The following TBCK variants were observed in gnomAD, a reference collection of about 807,000 sequenced individuals.
The protein encoded by TBCK is TBC domain-containing protein kinase-like protein.
Under a neutral mutation model 113.4 loss-of-function variants are expected in TBCK, and 99 were observed. The observed-to-expected ratio is 0.87, with a 90% CI of 0.74 to 1.03. The LOEUF (loss-of-function observed/expected upper bound fraction) is 1.03. Ranked by LOEUF, TBCK falls within the 50% of genes least tolerant of loss-of-function variation. The pLI is 0.00. For missense variants in TBCK, 1,045 were observed against 1,061.3 expected, an observed-to-expected ratio of 0.98 and a Z score of 0.21; for synonymous variants, 369 against 370.8, an observed-to-expected ratio of 1.00 and a Z score of 0.05.
At chr4:106,193,461 T>C (rs188003413) in intron 22 of TBCK, 148 bp downstream of exon 22, 5 of 728,832 alleles carry the variant, frequency 6.9e-6, no homozygotes, top group Admixed American at 6.0e-5. Flanking sequence ...AGAAGCAGTA[T>C]ATGAGAGAAA....
At position 106,118,296 on chromosome 4, in the gene TBCK, C is replaced by T. The variant is rs149191246; in HGVS notation, c.2236-1918G>A. Among the ~76,000 whole-genome samples the T allele has an allele frequency of 2.6e-3, 396 of 152,176 alleles. 3 individuals carry two copies. The highest frequency in any genetic ancestry group is 9.3e-3 in the African/African-American group (387 of 41,516). On this transcript the variant is annotated intron_variant, in intron 23 of 25. Transcript: ENST00000394708. ...ATTGGAGTTTCATGTCAGCTCTCAC[C>T]CCTTGGGTTTCCCCAGTTGTACTCT...
intron 25 of TBCK, among the ~76,000 whole-genome samples, chr4:106,067,931 A>G (rs914685287): frequency 2.0e-5 from 3 of 151,974 alleles, no homozygotes; most frequent in Non-Finnish European, 2.9e-5. Flanking sequence ...GAGTCCTCTG[A>G]CTTTGTTCTT....
chr4:106,294,307 A>G (rs543300176), intron 3 of TBCK, among the ~76,000 whole-genome samples: 30 of 151,314 alleles, frequency 2.0e-4, no homozygotes, highest in Middle Eastern at 3.4e-3. Context: ...CTCCTGCCTC[A>G]GCATCCTGGG....
chr4:106,244,712 A>G lies in TBCK; in HGVS notation c.984T>C (p.Leu328=), dbSNP rs1286250542. Residue 328 remains leucine, a synonymous_variant, in exon 11 of 26, where the codon CTT becomes CTC. Transcript: ENST00000394708. The part of the protein sequence containing the change: ...AERSIEEVYY[L]WCLAGGDLEK... Reference sequence around the variant, plus strand: ...CCAAGTCACCTCCAGCCAAACACCAAAGGTAATACACTTCTTCAATAGATC... The same window carrying G: ...CCAAGTCACCTCCAGCCAAACACCAGAGGTAATACACTTCTTCAATAGATC... 6.2e-7 allele frequency: 1 copy of G among 1,608,164 alleles called. No individual in the cohort carries two copies. The highest frequency in any genetic ancestry group is 1.7e-5 in the Admixed American group (1 of 59,526).
intron 23 of TBCK, among the ~76,000 whole-genome samples, chr4:106,164,668 T>C (rs925769289): frequency 6.6e-6 from 1 of 151,786 alleles, no homozygotes; most frequent in African/African-American, 2.4e-5. Flanking sequence ...CTCAGAGATT[T>C]GTTTAGGGGG....
chr4:106,219,316 C>T (rs1757387994), intron 19 of TBCK, among the ~76,000 whole-genome samples: 1 of 150,684 alleles, frequency 6.6e-6, no homozygotes, highest in Admixed American at 6.6e-5. Context: ...CACATGTATA[C>T]GTATGTAACT....
chr4:106,239,478 GA>G (rs1759843678), intron 12 of TBCK, among the ~76,000 whole-genome samples: 1 of 151,750 alleles, frequency 6.6e-6, no homozygotes, highest in Non-Finnish European at 1.5e-5. Flanking sequence ...TACAATGGAG[GA>G]AAAAAACAAA....
rs1253060698 is a variant in TBCK, at chr4:106,042,061, G to A, written c.*4509C>T. On this transcript the variant is annotated 3_prime_UTR_variant, in exon 26 of 26. Coordinates refer to ENST00000394708, the MANE Select transcript of TBCK (RefSeq NM_001163435.3). ...TAAAGTTTGAAACTCTTCACCATTA[G>A]TTTTCCACATAAAATTGAAGTTGGT... is the stretch of plus-strand genomic sequence containing the variant. 3 of 152,192 alleles carry A rather than the reference G, an allele frequency of 2.0e-5. No individual in the cohort carries two copies. The highest frequency in any genetic ancestry group is 4.8e-5 in the African/African-American group (2 of 41,438). The allele number at this position is 152,192 out of a possible 1,614,324, so 9.4% of individuals were successfully genotyped here. A position where few individuals can be genotyped will look rare whatever the true frequency, so the allele number is the denominator to read the frequency against.
intron 23 of TBCK, among the ~76,000 whole-genome samples, chr4:106,141,116 G>A (rs953057572): frequency 7.1e-6 from 1 of 140,380 alleles, no homozygotes; most frequent in African/African-American, 2.5e-5. Flanking sequence ...GCCATTTAAT[G>A]TAAGTGTAAG....
chr4:106,120,799 A>C (rs939760772), intron 23 of TBCK, among the ~76,000 whole-genome samples: 2 of 152,190 alleles, frequency 1.3e-5, no homozygotes, highest in African/African-American at 2.4e-5. Context: ...GGACATCCAC[A>C]CCAAAAACCC....
At chr4:106,109,038 C>CAT (rs1560656692) in intron 24 of TBCK, among the ~76,000 whole-genome samples, 1 of 151,656 alleles carries the variant, frequency 6.6e-6, no homozygotes, top group Non-Finnish European at 1.5e-5. Flanking sequence ...CACACACACA[C>CAT]ACACACACAC....
At position 106,236,880 on chromosome 4, in the gene TBCK, C is replaced by A. The variant is rs905394149; in HGVS notation, c.1171-72G>T. On this transcript the variant is annotated intron_variant, in intron 12 of 25. Transcript: ENST00000394708. ...AAACCCTGATCTGTGTTTAAAAAGA[C>A]AAGTAATATAACAACTATAAATTTA... is the stretch of plus-strand genomic sequence containing the variant. The A allele has an allele frequency of 6.1e-6, 5 of 816,744 alleles. No homozygotes were observed. The African/African-American group carries it at 7.3e-5, about 12-fold the overall frequency. 50.6% of individuals were successfully genotyped at this position (816,744 alleles called of 1,614,324 possible).
At chr4:106,200,397 G>A (rs1272527062) in intron 20 of TBCK, among the ~76,000 whole-genome samples, 1 of 152,098 alleles carries the variant, frequency 6.6e-6, no homozygotes, top group Non-Finnish European at 1.5e-5. Flanking sequence ...AAAAGTAGAT[G>A]GGTCTGGTGG....
intron 1 of TBCK, among the ~76,000 whole-genome samples, chr4:106,314,731 T>G (rs1355645557): frequency 6.7e-6 from 1 of 150,054 alleles, no homozygotes; most frequent in African/African-American, 2.5e-5. Context: ...GTTCAAGCGA[T>G]TCTGTGCCTC....
intron 20 of TBCK, among the ~76,000 whole-genome samples, chr4:106,210,747 G>A (rs562337149): frequency 1.4e-4 from 21 of 152,160 alleles, no homozygotes; most frequent in African/African-American, 4.6e-4. Flanking sequence ...TAAAGAGGGT[G>A]GAAAAGTGCT....
intron 25 of TBCK, among the ~76,000 whole-genome samples, chr4:106,087,679 A>G (rs533626523): frequency 2.6e-4 from 40 of 152,356 alleles, no homozygotes; most frequent in African/African-American, 8.7e-4. Flanking sequence ...ATGACTTCAA[A>G]CTATACTACA....
chr4:106,098,933 C>CA (rs1741241257), intron 24 of TBCK, among the ~76,000 whole-genome samples: 1 of 151,880 alleles, frequency 6.6e-6, no homozygotes, highest in African/African-American at 2.4e-5. Context: ...TTTGATAGCC[C>CA]AATGCACAGA....
At chr4:106,279,162 T>C (rs1364406176) in intron 3 of TBCK, among the ~76,000 whole-genome samples, 1 of 152,202 alleles carries the variant, frequency 6.6e-6, no homozygotes, top group Non-Finnish European at 1.5e-5. Flanking sequence ...GGGCAACTCC[T>C]AATTACTAAT....
At chr4:106,131,440 C>A (rs966358762) in intron 23 of TBCK, among the ~76,000 whole-genome samples, 4 of 152,160 alleles carry the variant, frequency 2.6e-5, no homozygotes, top group African/African-American at 9.7e-5. Context: ...TGGAGAAACC[C>A]CGTCTCTACT....
Sources: allele counts gnomAD v4.1 joint callset (sites outside exome capture counted in the v4.1 genomes callset), GRCh38; gene constraint gnomAD v4.1.1; transcripts MANE v1.5; gene names NCBI Gene and HGNC (gene_info 2026-07-23, HGNC 2026-07-21).